Variants in AXDND1 observed in about 807,000 individuals in gnomAD.
AXDND1 encodes axonemal dynein light chain domain-containing protein 1.
Under a neutral mutation model 137.5 loss-of-function variants are expected in AXDND1, and 110 were observed. That is an observed-to-expected ratio of 0.80 (90% CI 0.69 to 0.94). The LOEUF (loss-of-function observed/expected upper bound fraction) is 0.94. Ranked by LOEUF, AXDND1 falls within the 40% of genes least tolerant of loss-of-function variation. The pLI is 0.00. For missense variants in AXDND1, 1,191 were observed against 1,169.8 expected (o/e 1.02, Z -0.26); for synonymous variants, 414 against 399.7 (o/e 1.04, Z -0.43).
At chr1:179,381,048 TTTTTTC>T (rs1178449403) in intron 6 of AXDND1, among the ~76,000 whole-genome samples, 988 of 93,640 alleles carry the variant, frequency 0.011, 26 homozygotes, top group Admixed American at 0.067. Flanking sequence ...TTTTTTTTTT[TTTTTTC>T]TTTGAGACGG....
intron 25 of AXDND1, chr1:179,545,685 C>T (rs1342146062): frequency 6.6e-6 from 1 of 152,192 alleles, no homozygotes; most frequent in African/African-American, 2.4e-5. Flanking sequence ...ACTTTGCAGG[C>T]ATGAGTTGTC....
At chr1:179,472,718 T>A (rs1000298850) in intron 17 of AXDND1, among the ~76,000 whole-genome samples, 3 of 152,208 alleles carry the variant, frequency 2.0e-5, no homozygotes, top group Non-Finnish European at 4.4e-5. Context: ...ATCTTCCTGA[T>A]GGAGTGATCC....
intron 20 of AXDND1, among the ~76,000 whole-genome samples, chr1:179,495,409 G>A (rs1477031891): frequency 3.3e-5 from 5 of 152,082 alleles, no homozygotes; most frequent in Admixed American, 3.3e-4. Context: ...TATAGTTTGT[G>A]AGATTTATCC....
intron 25 of AXDND1, among the ~76,000 whole-genome samples, chr1:179,548,226 A>G (rs1012221836): frequency 2.0e-5 from 3 of 152,162 alleles, no homozygotes; most frequent in African/African-American, 7.2e-5. Context: ...ATTTATTGCT[A>G]CTGAAGTAAA....
chr1:179,517,824 G>C (rs1669688258), intron 21 of AXDND1, among the ~76,000 whole-genome samples: 1 of 152,222 alleles, frequency 6.6e-6, no homozygotes, highest in Non-Finnish European at 1.5e-5. Context: ...TGCAGGAGCA[G>C]TCCACTGCCT....
At chr1:179,416,391 T>G (rs1416787056) in intron 12 of AXDND1, among the ~76,000 whole-genome samples, 1 of 152,186 alleles carries the variant, frequency 6.6e-6, no homozygotes, top group Non-Finnish European at 1.5e-5. Context: ...TGCTGGTATC[T>G]TTTGATATAC....
chr1:179,493,759 G>A (rs1192838439), intron 20 of AXDND1, among the ~76,000 whole-genome samples: 4 of 152,130 alleles, frequency 2.6e-5, no homozygotes, highest in African/African-American at 9.7e-5. Flanking sequence ...TTGAGGTGAT[G>A]GATACCCCTG....
At chr1:179,554,205 C>T (rs1308478106) in intron 25 of AXDND1, among the ~76,000 whole-genome samples, 3 of 152,040 alleles carry the variant, frequency 2.0e-5, no homozygotes, top group East Asian at 1.9e-4. Context: ...TGAGCCACTG[C>T]GCCTGGCCTA....
At chr1:179,506,047 A>G (rs375945791) in intron 20 of AXDND1, among the ~76,000 whole-genome samples, 5 of 152,188 alleles carry the variant, frequency 3.3e-5, no homozygotes, top group African/African-American at 1.2e-4. Flanking sequence ...GAGGCACTAT[A>G]TCAGAGTCCT....
chr1:179,435,371 G>T (rs993569629), intron 15 of AXDND1, among the ~76,000 whole-genome samples: 3 of 152,072 alleles, frequency 2.0e-5, no homozygotes, highest in Non-Finnish European at 4.4e-5. Flanking sequence ...CCAAAAAAGA[G>T]CGCATATTGC....
chr1:179,397,028 C>T (rs954800938), intron 11 of AXDND1, among the ~76,000 whole-genome samples: 3 of 152,184 alleles, frequency 2.0e-5, no homozygotes, highest in Non-Finnish European at 4.4e-5. Flanking sequence ...ATCCTGTCAT[C>T]ATGTTAGCTG....
intron 15 of AXDND1, among the ~76,000 whole-genome samples, chr1:179,437,066 A>C (rs1385575344): frequency 7.7e-6 from 1 of 129,540 alleles, no homozygotes; most frequent in Non-Finnish European, 1.6e-5. Flanking sequence ...AGAGACACTC[A>C]CTGAAAAAAA....
At chr1:179,435,992 G>GA (rs909314054) in intron 15 of AXDND1, among the ~76,000 whole-genome samples, 70 of 148,770 alleles carry the variant, frequency 4.7e-4, no homozygotes, top group African/African-American at 1.7e-3. Flanking sequence ...AAATTTACAA[G>GA]AAAAAAAAAT....
rs1673800877 is a variant in AXDND1 at position 179,554,596 on chromosome 1, C to T, written c.*77C>T. 2 of 1,606,446 alleles carry T rather than the reference C, an allele frequency of 1.2e-6. No homozygotes were observed. The highest frequency in any genetic ancestry group is 2.2e-5 in the East Asian group (1 of 44,822). ...GGTGGGAGGAGAGCATGCCTAAACC[C>T]TGGTGGCCATTGTTCTGTACTAAGG... is the stretch of plus-strand genomic sequence containing the variant. On this transcript the variant is annotated 3_prime_UTR_variant, in exon 26 of 26. Transcript: ENST00000367618.
intron 16 of AXDND1, among the ~76,000 whole-genome samples, chr1:179,461,769 C>T (rs1236728198): frequency 3.3e-5 from 5 of 152,042 alleles, no homozygotes; most frequent in Non-Finnish European, 7.4e-5. Context: ...TCCTTCACAC[C>T]CCTTGTAAGT....
chr1:179,470,181 G>A (rs1225862200), intron 17 of AXDND1, among the ~76,000 whole-genome samples: 3 of 152,108 alleles, frequency 2.0e-5, no homozygotes, highest in African/African-American at 7.2e-5. Context: ...GTCCACCCTT[G>A]TGTCAGTAAC....
chr1:179,377,458 A>G (rs539886706), intron 4 of AXDND1, among the ~76,000 whole-genome samples: 26 of 152,310 alleles, frequency 1.7e-4, no homozygotes, highest in African/African-American at 4.6e-4. Flanking sequence ...GTGATGAATT[A>G]ATGCCTATTG....
intron 17 of AXDND1, among the ~76,000 whole-genome samples, chr1:179,473,992 C>T (rs892883489): frequency 1.2e-4 from 18 of 151,966 alleles, no homozygotes; most frequent in Admixed American, 3.3e-4. Context: ...GGGAGGCCAA[C>T]GTGGGCGGAT....
chr1:179,419,470 C>G (rs759522894), intron 12 of AXDND1, among the ~76,000 whole-genome samples: 85 of 148,868 alleles, frequency 5.7e-4, no homozygotes, highest in Non-Finnish European at 1.1e-3. Context: ...GAAAACCAGT[C>G]AGGCGTGGCG....
Sources: allele counts gnomAD v4.1 joint callset (sites outside exome capture counted in the v4.1 genomes callset), GRCh38; gene constraint gnomAD v4.1.1; transcripts MANE v1.5; gene names NCBI Gene and HGNC (gene_info 2026-07-23, HGNC 2026-07-21).